Variants in SIPA1L2 observed in about 807,000 individuals in gnomAD.
SIPA1L2 encodes the protein signal induced proliferation associated 1 like 2.
A neutral mutation model predicts 163.9 loss-of-function variants in SIPA1L2; 56 were observed. That is an observed-to-expected ratio of 0.34 (90% confidence interval 0.28 to 0.43). The LOEUF (loss-of-function observed/expected upper bound fraction) is 0.43, where lower values mean the gene tolerates loss of function less well. Ranked by LOEUF, SIPA1L2 falls within the 20% of genes least tolerant of loss-of-function variation. The pLI is 1.00. For synonymous variants in SIPA1L2, 877 were observed against 865.7 expected (o/e 1.01, Z -0.23); for missense variants, 1,974 against 2,193.5 (o/e 0.90, Z 2.00).
intron 3 of SIPA1L2, among the ~76,000 whole-genome samples, chr1:232,507,509 G>A (rs577626986): frequency 1.2e-4 from 19 of 152,304 alleles, no homozygotes; most frequent in Admixed American, 1.2e-3. Context: ...ATCCAAGTAG[G>A]AAGGTGGTGG....
chr1:232,432,347 G>C lies in SIPA1L2; in HGVS notation c.4156C>G (p.Pro1386Ala). ...GQQVPGSMSK[P>A]YHRQGAVNKY... is the part of the protein sequence containing the mutation. ...TTCACTGCCCCTTGTCTGTGGTAGG[G>C]CTTGGACATGGACCCGGGAACCTGT... Residue 1386 changes from proline to alanine, a missense_variant, in exon 16 of 23, where the codon CCC becomes GCC. By Grantham distance (27) the Pro-to-Ala change is conservative. This residue lies in a region of SIPA1L2 where 1,079 missense variants were observed against 1,150.7 expected (regional missense o/e 0.94). Transcript: ENST00000674635. 1.9e-6 allele frequency: 3 copies of C among 1,614,172 alleles called. No homozygotes were observed. The highest frequency in any genetic ancestry group is 1.7e-6 in the Non-Finnish European group (2 of 1,180,012).
At chr1:232,483,733 T>TA in intron 6 of SIPA1L2, 59 bp downstream of exon 6, 41 of 1,591,878 alleles carry the variant, frequency 2.6e-5, no homozygotes, top group Middle Eastern at 3.7e-4. Context: ...CTTGGATTTA[T>TA]GAAGCATGCC....
Position 232,601,088 on chromosome 1 carries a change from G to C in SIPA1L2, c.-318-26866C>G, listed in dbSNP as rs139036507. Among the ~76,000 whole-genome samples, 361 of 152,276 alleles carry C rather than the reference G, an allele frequency of 2.4e-3. 3 individuals are homozygous for C. Among genetic ancestry groups the C allele is most frequent in the African/African-American group, 7.1e-3 (297 of 41,552 alleles). ...TCCCCTAGAGGAGAGCAAGGGACCAGCCAGGGAGGATATGCCAAGTTAGAC... is the reference window on the plus strand; with the variant it reads ...TCCCCTAGAGGAGAGCAAGGGACCACCCAGGGAGGATATGCCAAGTTAGAC... On this transcript the variant is annotated intron_variant, in intron 1 of 22. Coordinates refer to ENST00000674635, the MANE Select transcript of SIPA1L2 (RefSeq NM_020808.5).
intron 1 of SIPA1L2, among the ~76,000 whole-genome samples, chr1:232,581,188 A>T: frequency 6.6e-6 from 1 of 152,166 alleles, no homozygotes; most frequent in East Asian, 1.9e-4. Flanking sequence ...GTAAGGAACC[A>T]TCCCTGCCCT....
chr1:232,539,953 C>T (rs539980208), intron 2 of SIPA1L2, among the ~76,000 whole-genome samples: 2 of 152,286 alleles, frequency 1.3e-5, no homozygotes, highest in African/African-American at 4.8e-5. Flanking sequence ...CTGCATGGTG[C>T]CCAATGCGAA....
At chr1:232,582,520 G>A (rs1171356291) in intron 1 of SIPA1L2, among the ~76,000 whole-genome samples, 1 of 152,172 alleles carries the variant, frequency 6.6e-6, no homozygotes, top group Admixed American at 6.5e-5. Context: ...GTATTCCATA[G>A]TGTATATATA....
At chr1:232,405,945 T>C (rs995385631) in intron 19 of SIPA1L2, among the ~76,000 whole-genome samples, 1 of 152,152 alleles carries the variant, frequency 6.6e-6, no homozygotes, top group Admixed American at 6.5e-5. Flanking sequence ...AGACATCCCC[T>C]AGGGAGAAAC....
intron 8 of SIPA1L2, among the ~76,000 whole-genome samples, chr1:232,469,211 A>G (rs1664679881): frequency 2.0e-5 from 3 of 152,222 alleles, no homozygotes; most frequent in Non-Finnish European, 2.9e-5. Context: ...CAACACCCGA[A>G]AAAAGCTCAG....
intron 1 of SIPA1L2, among the ~76,000 whole-genome samples, chr1:232,598,237 T>TAA (rs10536551): frequency 1.0e-5 from 1 of 98,506 alleles, no homozygotes; most frequent in African/African-American, 3.2e-5. Context: ...CCCTGTCTGT[T>TAA]AAAAAAAAAA....
chr1:232,585,292 T>C (rs1472356469), intron 1 of SIPA1L2, among the ~76,000 whole-genome samples: 1 of 152,218 alleles, frequency 6.6e-6, no homozygotes, highest in Non-Finnish European at 1.5e-5. Context: ...TAGCAGAATA[T>C]ACTCTTCTGG....
At chr1:232,449,287 G>T (rs561137750) in intron 10 of SIPA1L2, among the ~76,000 whole-genome samples, 10 of 152,032 alleles carry the variant, frequency 6.6e-5, no homozygotes, top group Non-Finnish European at 1.2e-4. Context: ...GGGGGGCCGA[G>T]GTGGGCGGAT....
intron 2 of SIPA1L2, among the ~76,000 whole-genome samples, chr1:232,547,504 C>CGTG (rs1658101257): frequency 7.6e-6 from 1 of 131,456 alleles, no homozygotes; most frequent in South Asian, 2.5e-4. Context: ...TCTATTCAAG[C>CGTG]GTGTTTCCAG....
intron 2 of SIPA1L2, among the ~76,000 whole-genome samples, chr1:232,571,515 G>A (rs1223597911): frequency 6.6e-6 from 1 of 152,194 alleles, no homozygotes; most frequent in Non-Finnish European, 1.5e-5. Flanking sequence ...TTTAAAAACT[G>A]AAGAACTTTT....
At chr1:232,535,848 T>A (rs1380242502) in intron 2 of SIPA1L2, among the ~76,000 whole-genome samples, 2 of 152,228 alleles carry the variant, frequency 1.3e-5, no homozygotes, top group African/African-American at 4.8e-5. Flanking sequence ...TTAGGCCTAC[T>A]GATTTTTTAC....
At chr1:232,528,788 C>G (rs1667839670) in intron 2 of SIPA1L2, among the ~76,000 whole-genome samples, 1 of 152,168 alleles carries the variant, frequency 6.6e-6, no homozygotes. Flanking sequence ...GGACATGATC[C>G]CAGGCATACC....
At chr1:232,422,383 G>C (rs1661624474) in intron 18 of SIPA1L2, among the ~76,000 whole-genome samples, 1 of 152,170 alleles carries the variant, frequency 6.6e-6, no homozygotes, top group Non-Finnish European at 1.5e-5. Flanking sequence ...GAAAGATTGA[G>C]ACAGATTCAA....
chr1:232,539,984 T>C (rs1318536786), intron 2 of SIPA1L2, among the ~76,000 whole-genome samples: 1 of 152,060 alleles, frequency 6.6e-6, no homozygotes, highest in Non-Finnish European at 1.5e-5. Context: ...GCGTGTAAAA[T>C]AGTGTCCAGC....
chr1:232,440,105 C>T (rs1407915650), intron 14 of SIPA1L2, among the ~76,000 whole-genome samples: 1 of 152,170 alleles, frequency 6.6e-6, no homozygotes, highest in Non-Finnish European at 1.5e-5. Flanking sequence ...GCGTCCCAAG[C>T]CTTTAAGAAA....
At chr1:232,502,135 T>C (rs1016348543) in intron 3 of SIPA1L2, among the ~76,000 whole-genome samples, 1 of 152,220 alleles carries the variant, frequency 6.6e-6, no homozygotes, top group African/African-American at 2.4e-5. Context: ...TTGATACTTA[T>C]CACGTGCTTA....
Sources: allele counts gnomAD v4.1 joint callset (sites outside exome capture counted in the v4.1 genomes callset), GRCh38; gene constraint gnomAD v4.1.1; regional missense constraint gnomAD v4.1.1; transcripts MANE v1.5; gene names NCBI Gene and HGNC (gene_info 2026-07-23, HGNC 2026-07-21).